The following SH3KBP1 variants were observed in gnomAD, a reference collection of about 807,000 sequenced individuals.
SH3KBP1 encodes SH3 domain containing kinase binding protein 1, also known as SH3 domain-containing kinase-binding protein 1.
Under a neutral mutation model 50.1 loss-of-function variants are expected in SH3KBP1, and 8 were observed. That is an observed-to-expected ratio of 0.16 (90% CI 0.09 to 0.29). SH3KBP1 has a LOEUF of 0.29. Ranked by LOEUF, SH3KBP1 falls within the 10% of genes least tolerant of loss-of-function variation. The pLI is 1.00. For synonymous variants in SH3KBP1, 227 were observed against 218.6 expected (o/e 1.04, Z -0.34); for missense variants, 377 against 535.2 (o/e 0.70, Z 2.92).
chrX:19,592,777 T>C, intron 10 of SH3KBP1, among the ~76,000 whole-genome samples: 1 of 112,553 alleles, frequency 8.9e-6, no homozygotes, highest in East Asian at 2.8e-4. Flanking sequence ...AGAAGTCAAC[T>C]ACCCTGGAGA....
At chrX:19,782,849 G>A (rs1438601625) in intron 2 of SH3KBP1, among the ~76,000 whole-genome samples, 1 of 111,662 alleles carries the variant, frequency 9.0e-6, no homozygotes, top group Non-Finnish European at 1.9e-5. Flanking sequence ...GCTCATGCCT[G>A]TAATCCCAGC....
At chrX:19,649,111 T>G (rs1164216760) in intron 6 of SH3KBP1, among the ~76,000 whole-genome samples, 1 of 111,363 alleles carries the variant, frequency 9.0e-6, no homozygotes, top group Non-Finnish European at 1.9e-5. Context: ...ATGTTAGGCT[T>G]GCAGTGGCTG....
At chrX:19,628,685 A>G (rs2061507583) in intron 8 of SH3KBP1, among the ~76,000 whole-genome samples, 1 of 111,855 alleles carries the variant, frequency 8.9e-6, no homozygotes, top group African/African-American at 3.3e-5. Flanking sequence ...ATAAAAGCAA[A>G]ATGATAGAGC....
At chrX:19,848,554 T>A (rs758764390) in intron 1 of SH3KBP1, among the ~76,000 whole-genome samples, 59 of 112,698 alleles carry the variant, frequency 5.2e-4, no homozygotes, top group African/African-American at 1.9e-3. Flanking sequence ...AGCCAACTCA[T>A]TGTTTTGAAA....
intron 2 of SH3KBP1, among the ~76,000 whole-genome samples, chrX:19,767,879 C>G (rs944671615): frequency 9.0e-6 from 1 of 110,801 alleles, no homozygotes; most frequent in African/African-American, 3.3e-5. Context: ...CTCCCTCCCC[C>G]CACACCAGTA....
intron 3 of SH3KBP1, among the ~76,000 whole-genome samples, chrX:19,732,175 A>G (rs1361433341): frequency 9.0e-6 from 1 of 111,688 alleles, no homozygotes. Context: ...ATCCATGTAT[A>G]CATTGTATAA....
At chrX:19,547,319 C>T (rs1355559135) in intron 14 of SH3KBP1, among the ~76,000 whole-genome samples, 1 of 111,684 alleles carries the variant, frequency 9.0e-6, no homozygotes, top group Non-Finnish European at 1.9e-5. Context: ...TTTGAGCAAG[C>T]TCATCTTCAG....
intron 2 of SH3KBP1, among the ~76,000 whole-genome samples, chrX:19,834,896 G>C (rs947760980): frequency 2.7e-5 from 3 of 109,544 alleles, no homozygotes; most frequent in Non-Finnish European, 5.7e-5. Flanking sequence ...TTAGTCGGGC[G>C]TGGTGGCACA....
intron 2 of SH3KBP1, among the ~76,000 whole-genome samples, chrX:19,757,561 T>C (rs757674810): frequency 4.8e-5 from 4 of 82,940 alleles, no homozygotes; most frequent in African/African-American, 2.3e-4. Context: ...TTATCTTATG[T>C]CAAAAAAAAA....
chrX:19,808,906 G>T (rs2067128338), intron 2 of SH3KBP1, among the ~76,000 whole-genome samples: 1 of 111,968 alleles, frequency 8.9e-6, no homozygotes, highest in Non-Finnish European at 1.9e-5. Context: ...GAAATCAGAA[G>T]TCTACTTATT....
chrX:19,876,080 C>T (rs535415390), intron 1 of SH3KBP1, among the ~76,000 whole-genome samples: 2 of 112,344 alleles, frequency 1.8e-5, no homozygotes, highest in African/African-American at 6.5e-5. Context: ...GGGTTAAGGC[C>T]GGGCGTGGTG....
intron 2 of SH3KBP1, among the ~76,000 whole-genome samples, chrX:19,813,735 T>C (rs1412932981): frequency 9.0e-6 from 1 of 110,649 alleles, no homozygotes; most frequent in Non-Finnish European, 1.9e-5. Context: ...TCTCTCATCC[T>C]TCAAGGGTGT....
chrX:19,535,976 A>G lies in SH3KBP1; in HGVS notation c.*441T>C, dbSNP rs1444442338. The G allele has an allele frequency of 8.9e-6, 1 of 112,471 alleles. No homozygotes were observed. Among genetic ancestry groups the G allele is most frequent in the Non-Finnish European group, 1.9e-5 (1 of 53,559 alleles). 9.3% of individuals were successfully genotyped at this position (112,471 alleles called of 1,213,427 possible). On this transcript the variant is annotated 3_prime_UTR_variant, in exon 18 of 18. Transcript: ENST00000397821. The stretch of plus-strand genomic sequence containing the variant: ...TTAGCCTGAAGCAAAAGAAAAGGAC[A>G]CTCGCTTCTGACTACGTGTAGTACA...
chrX:19,741,917 G>C (rs1009319329), intron 3 of SH3KBP1, among the ~76,000 whole-genome samples: 1 of 111,234 alleles, frequency 9.0e-6, no homozygotes, highest in Non-Finnish European at 1.9e-5. Flanking sequence ...CAACAGGAGA[G>C]GTTCAGAGAG....
At chrX:19,879,348 C>T (rs778829253) in intron 1 of SH3KBP1, among the ~76,000 whole-genome samples, 26 of 111,842 alleles carry the variant, frequency 2.3e-4, no homozygotes, top group Non-Finnish European at 4.0e-4. Context: ...AGAAATTGGG[C>T]GGGGCTGGTT....
chrX:19,571,472 T>C (rs1242352043), intron 12 of SH3KBP1, among the ~76,000 whole-genome samples: 1 of 112,337 alleles, frequency 8.9e-6, no homozygotes, highest in Non-Finnish European at 1.9e-5. Context: ...GGAGGACATT[T>C]ATTTCAAAAC....
At chrX:19,590,809 ATTTTTTTTTT>A (rs34366083) in intron 11 of SH3KBP1, among the ~76,000 whole-genome samples, 22 of 23,762 alleles carry the variant, frequency 9.3e-4, no homozygotes, top group East Asian at 3.4e-3. Context: ...AGGCCTGGCT[ATTTTTTTTTT>A]TTTTTTTTTT....
At chrX:19,834,356 T>G (rs1435193387) in intron 2 of SH3KBP1, among the ~76,000 whole-genome samples, 1 of 112,017 alleles carries the variant, frequency 8.9e-6, no homozygotes, top group East Asian at 2.8e-4. Flanking sequence ...TCTTAAGTAT[T>G]ATCTGGTAAC....
chrX:19,590,867 G>A (rs752846527), intron 11 of SH3KBP1, among the ~76,000 whole-genome samples: 94 of 63,501 alleles, frequency 1.5e-3, no homozygotes, highest in African/African-American at 5.8e-3. Flanking sequence ...TTGTTATGTT[G>A]CCCAGGCTGG....
Sources: allele counts gnomAD v4.1 joint callset (sites outside exome capture counted in the v4.1 genomes callset), GRCh38; gene constraint gnomAD v4.1.1; transcripts MANE v1.5; gene names NCBI Gene and HGNC (gene_info 2026-07-23, HGNC 2026-07-21).